Variants in CHCHD3 observed in about 807,000 individuals in gnomAD.
CHCHD3 encodes the protein MICOS complex subunit MIC19.
In CHCHD3, 20 loss-of-function variants were observed where a neutral mutation model predicts 38.2. That is an observed-to-expected ratio of 0.52 (90% CI 0.37 to 0.76). The LOEUF (loss-of-function observed/expected upper bound fraction) is 0.76, where lower values mean the gene tolerates loss of function less well. CHCHD3 is among the 30% of genes least tolerant of loss of function. The pLI is 0.00. For missense variants in CHCHD3, 245 were observed against 279.2 expected (o/e 0.88, Z 0.87); for synonymous variants, 82 against 100.0 (o/e 0.82, Z 1.07).
chr7:133,016,282 TAA>T (rs754911926), intron 3 of CHCHD3, among the ~76,000 whole-genome samples: 16 of 152,204 alleles, frequency 1.1e-4, no homozygotes, highest in Non-Finnish European at 1.9e-4. Flanking sequence ...TAGCACACAG[TAA>T]GTAAGAGATG....
chr7:132,796,839 C>T (rs1167963887), intron 6 of CHCHD3, among the ~76,000 whole-genome samples: 2 of 152,108 alleles, frequency 1.3e-5, no homozygotes, highest in African/African-American at 2.4e-5. Context: ...CCATCCCTTC[C>T]AAACCGAAAC....
intron 6 of CHCHD3, among the ~76,000 whole-genome samples, chr7:132,804,439 G>C (rs1806863305): frequency 6.6e-6 from 1 of 152,140 alleles, no homozygotes; most frequent in Non-Finnish European, 1.5e-5. Context: ...CTCATTCTCA[G>C]CTGAGGGGTG....
At chr7:132,935,349 T>C (rs1011638524) in intron 4 of CHCHD3, among the ~76,000 whole-genome samples, 1 of 152,336 alleles carries the variant, frequency 6.6e-6, no homozygotes. Context: ...TATTGGACTA[T>C]TATATCATTT....
intron 4 of CHCHD3, among the ~76,000 whole-genome samples, chr7:132,931,439 C>T (rs1050553217): frequency 6.6e-6 from 1 of 152,208 alleles, no homozygotes; most frequent in East Asian, 1.9e-4. Context: ...GAACTAGAAG[C>T]AACAAAAACA....
intron 3 of CHCHD3, among the ~76,000 whole-genome samples, chr7:132,984,145 C>T (rs1812006102): frequency 6.6e-6 from 1 of 151,696 alleles, no homozygotes; most frequent in African/African-American, 2.4e-5. Context: ...GCCATCTCGG[C>T]TCACTGCAAC....
At chr7:133,075,089 A>G (rs1814940589) in intron 1 of CHCHD3, among the ~76,000 whole-genome samples, 1 of 152,298 alleles carries the variant, frequency 6.6e-6, no homozygotes, top group African/African-American at 2.4e-5. Context: ...TTCTCTATCT[A>G]TGCTCTCTAG....
At chr7:132,874,453 T>C (rs1356809174) in intron 5 of CHCHD3, among the ~76,000 whole-genome samples, 4 of 152,228 alleles carry the variant, frequency 2.6e-5, no homozygotes, top group Admixed American at 1.3e-4. Context: ...AAGATGTTGA[T>C]ATCTCTTTCA....
intron 3 of CHCHD3, among the ~76,000 whole-genome samples, chr7:132,991,494 T>C (rs927158599): frequency 5.9e-5 from 9 of 152,184 alleles, no homozygotes; most frequent in African/African-American, 2.2e-4. Context: ...TTTTATATCA[T>C]GTTTAATATT....
chr7:133,056,469 T>G (rs1478053511), intron 2 of CHCHD3, among the ~76,000 whole-genome samples: 1 of 152,150 alleles, frequency 6.6e-6, no homozygotes, highest in Non-Finnish European at 1.5e-5. Flanking sequence ...TCACCACCCC[T>G]TTCCTGAAGT....
At chr7:133,062,326 C>A (rs1277577289) in intron 2 of CHCHD3, among the ~76,000 whole-genome samples, 1 of 152,120 alleles carries the variant, frequency 6.6e-6, no homozygotes, top group Admixed American at 6.6e-5. Context: ...ATATTGTTTA[C>A]AACAAATGTA....
chr7:132,890,347 T>A (rs1168701148), intron 4 of CHCHD3, among the ~76,000 whole-genome samples: 8 of 152,190 alleles, frequency 5.3e-5, no homozygotes, highest in Admixed American at 1.3e-4. Flanking sequence ...ACTGGGATTA[T>A]GAATATAACA....
At chr7:132,976,647 T>A (rs1388487445) in intron 3 of CHCHD3, among the ~76,000 whole-genome samples, 1 of 152,220 alleles carries the variant, frequency 6.6e-6, no homozygotes, top group African/African-American at 2.4e-5. Context: ...GTAAAATTGT[T>A]ATGTTGGTGT....
At chr7:132,971,362 T>G (rs978941380) in intron 4 of CHCHD3, among the ~76,000 whole-genome samples, 6 of 152,202 alleles carry the variant, frequency 3.9e-5, no homozygotes, top group African/African-American at 1.4e-4. Context: ...CATCACTCAG[T>G]GCTGAGTAGA....
chr7:133,034,506 G>GTTTTTTT, intron 2 of CHCHD3: 2 of 500,742 alleles, frequency 4.0e-6, no homozygotes, highest in South Asian at 2.1e-5. Flanking sequence ...ATTGGATCCA[G>GTTTTTTT]TCTTTTTTTT....
intron 4 of CHCHD3, among the ~76,000 whole-genome samples, chr7:132,946,853 T>C (rs1487035139): frequency 6.6e-6 from 1 of 151,892 alleles, no homozygotes; most frequent in Non-Finnish European, 1.5e-5. Context: ...AATATCTAAA[T>C]TTTATATTTA....
intron 4 of CHCHD3, among the ~76,000 whole-genome samples, chr7:132,935,299 T>C (rs1385940391): frequency 6.6e-6 from 1 of 152,242 alleles, no homozygotes; most frequent in Non-Finnish European, 1.5e-5. Flanking sequence ...AGGCCAGCAC[T>C]GACTCTCAGT....
At chr7:132,818,382 A>G (rs1807260831) in intron 6 of CHCHD3, among the ~76,000 whole-genome samples, 1 of 152,218 alleles carries the variant, frequency 6.6e-6, no homozygotes, top group African/African-American at 2.4e-5. Context: ...GTCCAGTTTT[A>G]ATTGAGCCAG....
intron 6 of CHCHD3, among the ~76,000 whole-genome samples, chr7:132,811,436 T>C (rs947358083): frequency 1.3e-5 from 2 of 152,244 alleles, no homozygotes; most frequent in African/African-American, 4.8e-5. Context: ...TGTTAAATTT[T>C]ACTAAATTTT....
intron 4 of CHCHD3, among the ~76,000 whole-genome samples, chr7:132,892,188 T>C (rs1809377939): frequency 6.6e-6 from 1 of 152,156 alleles, no homozygotes; most frequent in Non-Finnish European, 1.5e-5. Flanking sequence ...TATGGGAAAG[T>C]CTGGAACTTC....
Sources: gnomAD v4.1 joint callset for allele counts (sites outside exome capture counted in the v4.1 genomes callset) on GRCh38, gnomAD v4.1.1 for gene constraint, MANE v1.5 for transcripts, NCBI Gene and HGNC (gene_info 2026-07-23, HGNC 2026-07-21) for gene names.